The following RICTOR variants were observed in gnomAD, a reference collection of about 807,000 sequenced individuals.
RICTOR encodes the protein rapamycin-insensitive companion of mTOR.
A neutral mutation model predicts 214.9 loss-of-function variants in RICTOR; 49 were observed. The ratio of observed to expected loss-of-function variants is 0.23; its 90% CI spans 0.18 to 0.29. The LOEUF (loss-of-function observed/expected upper bound fraction) is 0.29, where lower values mean the gene tolerates loss of function less well. Ranked by LOEUF, RICTOR falls within the 10% of genes least tolerant of loss-of-function variation. The pLI is 1.00. For synonymous variants in RICTOR, 717 were observed against 711.3 expected, an observed-to-expected ratio of 1.01 and a Z score of -0.13; for missense variants, 1,625 against 2,047.0, an observed-to-expected ratio of 0.79 and a Z score of 3.98.
chr5:39,067,737 A>G (rs1270468483), intron 2 of RICTOR, among the ~76,000 whole-genome samples: 3 of 152,226 alleles, frequency 2.0e-5, no homozygotes, highest in African/African-American at 7.2e-5. Flanking sequence ...TTCAAGGTGC[A>G]AAGCTGAACT....
intron 19 of RICTOR, among the ~76,000 whole-genome samples, chr5:38,962,071 T>C (rs1749840799): frequency 6.6e-6 from 1 of 152,028 alleles, no homozygotes; most frequent in Non-Finnish European, 1.5e-5. Context: ...TGAAAAACTT[T>C]TATCTCAACT....
In RICTOR at chr5:38,953,110, C is replaced by G; in HGVS notation, c.2791-19G>C. On this transcript the variant is annotated intron_variant, in intron 28 of 37. Coordinates refer to ENST00000357387, the MANE Select transcript of RICTOR (RefSeq NM_152756.5). The stretch of plus-strand genomic sequence containing the variant: ...TATTTCCCTGAAAGAAAAGAAATCA[C>G]TTACATCAAATATAAGAGTCACTCT... The G allele has an allele frequency of 6.7e-7, 1 of 1,489,316 alleles. No homozygotes were observed. The highest frequency in any genetic ancestry group is 9.4e-7 in the Non-Finnish European group (1 of 1,069,264). 92.3% of individuals were successfully genotyped at this position (1,489,316 alleles called of 1,614,324 possible). A position where few individuals can be genotyped will look rare whatever the true frequency, so the allele number is the denominator to read the frequency against.
chr5:39,021,715 C>T (rs1755437467), intron 2 of RICTOR, among the ~76,000 whole-genome samples: 2 of 152,078 alleles, frequency 1.3e-5, no homozygotes, highest in Non-Finnish European at 2.9e-5. Flanking sequence ...GCCCCTCGAC[C>T]TCAGACTTCC....
intron 3 of RICTOR, among the ~76,000 whole-genome samples, chr5:39,020,326 T>C (rs1474485169): frequency 1.3e-5 from 2 of 152,170 alleles, no homozygotes; most frequent in Non-Finnish European, 2.9e-5. Flanking sequence ...GAGAAATCTT[T>C]CGTGACAGGA....
chr5:38,991,417 A>G (rs1282751700), intron 6 of RICTOR, among the ~76,000 whole-genome samples: 1 of 152,146 alleles, frequency 6.6e-6, no homozygotes, highest in Non-Finnish European at 1.5e-5. Context: ...AGAGGGGACA[A>G]TAGTAGTCAA....
intron 3 of RICTOR, 47 bp from the exon 4 acceptor site, chr5:39,003,669 C>T (rs942685886): frequency 7.0e-5 from 82 of 1,174,434 alleles, no homozygotes; most frequent in Non-Finnish European, 9.9e-5. Flanking sequence ...TGTATATTTT[C>T]ACATATTTAT....
chr5:39,027,285 G>T (rs1315750491), intron 2 of RICTOR, among the ~76,000 whole-genome samples: 1 of 152,030 alleles, frequency 6.6e-6, no homozygotes, highest in Non-Finnish European at 1.5e-5. Context: ...TATTTTCAGA[G>T]AAGTTAATTT....
At chr5:38,967,851 T>C in intron 12 of RICTOR, 92 bp downstream of exon 12, 1 of 643,818 alleles carries the variant, frequency 1.6e-6, no homozygotes, top group Non-Finnish European at 2.8e-6. Flanking sequence ...GAAAATAGTG[T>C]TCAATAATTT....
intron 2 of RICTOR, among the ~76,000 whole-genome samples, chr5:39,036,127 ACT>A (rs747829420): frequency 6.6e-6 from 1 of 152,256 alleles, no homozygotes; most frequent in Non-Finnish European, 1.5e-5. Context: ...CTCCGCAGAA[ACT>A]CAACAAGCCA....
At chr5:38,975,895 C>T (rs1196442183) in intron 9 of RICTOR, among the ~76,000 whole-genome samples, 2 of 152,184 alleles carry the variant, frequency 1.3e-5, no homozygotes, top group Non-Finnish European at 2.9e-5. Context: ...AGCATTAAGT[C>T]TGCTTAATAA....
chr5:38,975,026 AATGTT>A (rs1382199792), intron 10 of RICTOR, among the ~76,000 whole-genome samples: 1 of 152,224 alleles, frequency 6.6e-6, no homozygotes, highest in African/African-American at 2.4e-5. Context: ...GCAAAACCCC[AATGTT>A]ATTAACAACA....
At chr5:39,047,417 T>C (rs1192561544) in intron 2 of RICTOR, among the ~76,000 whole-genome samples, 1 of 152,204 alleles carries the variant, frequency 6.6e-6, no homozygotes, top group Non-Finnish European at 1.5e-5. Flanking sequence ...GAGCAGGTGG[T>C]AATGTATGCT....
chr5:38,940,503 G>C lies in RICTOR; in HGVS notation c.*1801C>G. The C allele has an allele frequency of 4.3e-6, 1 of 232,784 alleles. No homozygotes were observed. Among genetic ancestry groups the C allele is most frequent in the Admixed American group, 5.6e-5 (1 of 17,762 alleles). 14.4% of individuals were successfully genotyped at this position (232,784 alleles called of 1,614,324 possible). A position where few individuals can be genotyped will look rare whatever the true frequency, so the allele number is the denominator to read the frequency against. ...ACCACGATGACAGGCAACGTTCTTA[G>C]AAGTACTGTTGACATTTAAATAAAC... On this transcript the variant is annotated 3_prime_UTR_variant, in exon 38 of 38. Transcript: ENST00000357387.
chr5:39,035,034 C>T (rs1487599133), intron 2 of RICTOR, among the ~76,000 whole-genome samples: 1 of 152,210 alleles, frequency 6.6e-6, no homozygotes, highest in Non-Finnish European at 1.5e-5. Context: ...GGGTCCCTGA[C>T]CCCTGACCCC....
intron 37 of RICTOR, 55 bp from the exon 38 acceptor site, chr5:38,942,433 A>T (rs2112779229): frequency 1.0e-6 from 1 of 963,098 alleles, no homozygotes; most frequent in Non-Finnish European, 1.5e-6. Context: ...ATGATATAAC[A>T]TATTTATATA....
chr5:39,015,865 T>C (rs1754902425), intron 3 of RICTOR, among the ~76,000 whole-genome samples: 1 of 152,118 alleles, frequency 6.6e-6, no homozygotes, highest in Non-Finnish European at 1.5e-5. Flanking sequence ...ACCTTGCCTC[T>C]ACAGAAAGCA....
At chr5:39,001,825 G>C (rs1236095522) in intron 5 of RICTOR, among the ~76,000 whole-genome samples, 2 of 151,990 alleles carry the variant, frequency 1.3e-5, no homozygotes, top group Non-Finnish European at 2.9e-5. Context: ...CACAAGAAAG[G>C]ATATAACTAA....
At chr5:39,004,068 C>T (rs1753841607) in intron 3 of RICTOR, among the ~76,000 whole-genome samples, 1 of 152,030 alleles carries the variant, frequency 6.6e-6, no homozygotes, top group Non-Finnish European at 1.5e-5. Flanking sequence ...AAAACTATAC[C>T]GTATTACTGT....
At chr5:39,044,524 A>C (rs923722624) in intron 2 of RICTOR, among the ~76,000 whole-genome samples, 5 of 152,160 alleles carry the variant, frequency 3.3e-5, no homozygotes, top group African/African-American at 1.2e-4. Context: ...GGAATAAAAA[A>C]AAACTATGCT....
Sources: allele counts gnomAD v4.1 joint callset (sites outside exome capture counted in the v4.1 genomes callset), GRCh38; gene constraint gnomAD v4.1.1; transcripts MANE v1.5; gene names NCBI Gene and HGNC (gene_info 2026-07-23, HGNC 2026-07-21).